CERKL: variants seen among roughly 807,000 people sequenced by gnomAD.
CERKL encodes CERK like autophagy regulator.
Under a neutral mutation model 63.4 loss-of-function variants are expected in CERKL, and 61 were observed. The ratio of observed to expected loss-of-function variants is 0.96; its 90% CI spans 0.78 to 1.19. The LOEUF (loss-of-function observed/expected upper bound fraction) is 1.19, where lower values mean the gene tolerates loss of function less well. CERKL is among the 50% of genes most tolerant of loss of function. The pLI is 0.00. For synonymous variants in CERKL, 250 were observed against 230.5 expected, an observed-to-expected ratio of 1.08 and a Z score of -0.77; for missense variants, 675 against 655.5, an observed-to-expected ratio of 1.03 and a Z score of -0.33.
intron 1 of CERKL, among the ~76,000 whole-genome samples, chr2:181,605,291 T>C (rs1441875531): frequency 6.6e-6 from 1 of 152,206 alleles, no homozygotes; most frequent in African/African-American, 2.4e-5. Flanking sequence ...TAGAGTTCAC[T>C]GTGCAATTTA....
At chr2:181,644,639 C>G (rs1194597363) in intron 1 of CERKL, among the ~76,000 whole-genome samples, 1 of 151,986 alleles carries the variant, frequency 6.6e-6, no homozygotes, top group African/African-American at 2.4e-5. Flanking sequence ...TTAACTCTTA[C>G]GATAGAAATC....
Position 181,547,668 on chromosome 2 carries a change from T to C in CERKL, c.1218A>G (p.Ala406=). The change falls in exon 10 of 13, where the codon GCA becomes GCG. Residue 406 remains alanine, a synonymous_variant. Coordinates refer to ENST00000410087, the MANE Select transcript of CERKL (RefSeq NM_201548.5). Reference sequence around the variant, plus strand: ...GTGCCACTGAACACAGGCAAGGAATTGCCATAATGCTGACATTCAAGAACT... The same window carrying C: ...GTGCCACTGAACACAGGCAAGGAATCGCCATAATGCTGACATTCAAGAACT... ...QGQFLNVSIM[A]IPCLCSVAPR... is the part of the protein sequence containing the mutation. 6 of 1,614,074 alleles carry C rather than the reference T, an allele frequency of 3.7e-6. No individual in the cohort carries two copies. Among genetic ancestry groups the C allele is most frequent in the Non-Finnish European group, 5.1e-6 (6 of 1,179,960 alleles).
chr2:181,548,818 G>T lies in CERKL; in HGVS notation c.935C>A (p.Ala312Asp), dbSNP rs1292982048. ...GAACCCAAAGCGAAGAAGCTTGCCA[G>T]CGGTGCTGAAGGTGCAGACGTCGAC... is the stretch of plus-strand genomic sequence containing the variant. ...QLVDVCTFST[A>D]GKLLRFGFSA... The change falls in exon 7 of 13, where the codon GCT (alanine) becomes GAT (aspartate). Residue 312 changes from alanine to aspartate, a missense_variant. Ala to Asp is a moderately radical substitution (Grantham distance 126). Coordinates refer to ENST00000410087, the MANE Select transcript of CERKL (RefSeq NM_201548.5). 1 of 1,614,046 alleles carries T rather than the reference G, an allele frequency of 6.2e-7. No homozygotes were observed. Among genetic ancestry groups the T allele is most frequent in the South Asian group, 1.1e-5 (1 of 91,082 alleles).
At chr2:181,560,366 C>G (rs1688386879) in intron 4 of CERKL, among the ~76,000 whole-genome samples, 1 of 152,176 alleles carries the variant, frequency 6.6e-6, no homozygotes, top group Admixed American at 6.5e-5. Flanking sequence ...TAGCGTCATG[C>G]ATATGTTAAC....
chr2:181,576,298 A>G (rs1326910597), intron 2 of CERKL, among the ~76,000 whole-genome samples: 1 of 145,802 alleles, frequency 6.9e-6, no homozygotes, highest in African/African-American at 2.6e-5. Context: ...AGTGACAGTC[A>G]GTTGGGGACA....
At chr2:181,576,613 T>A (rs1323762615) in intron 2 of CERKL, among the ~76,000 whole-genome samples, 2 of 152,216 alleles carry the variant, frequency 1.3e-5, no homozygotes, top group Non-Finnish European at 2.9e-5. Context: ...TGAAGCCATA[T>A]AACCTTAGGT....
At chr2:181,588,064 A>C (rs1344891697) in intron 2 of CERKL, among the ~76,000 whole-genome samples, 1 of 152,174 alleles carries the variant, frequency 6.6e-6, no homozygotes, top group Non-Finnish European at 1.5e-5. Flanking sequence ...GAAATGGCTA[A>C]ATTGAGCCAA....
In CERKL at chr2:181,603,747, C is replaced by T. The variant is rs920183617; in HGVS notation, c.481+90G>A. 6 of 1,315,384 alleles carry T rather than the reference C, an allele frequency of 4.6e-6. No homozygotes were observed. In the African/African-American group the frequency reaches 8.7e-5, roughly 19 times the overall value. 81.5% of individuals were successfully genotyped at this position (1,315,384 alleles called of 1,614,324 possible). ...ACAGAAGGAAACTATCTCAACATCA[C>T]TAAAGTTGTTTTTACTCAAAACATG... On this transcript the variant is annotated intron_variant, in intron 2 of 12. Coordinates refer to ENST00000410087, the MANE Select transcript of CERKL (RefSeq NM_201548.5).
chr2:181,561,006 G>A (rs1391116159), intron 4 of CERKL, among the ~76,000 whole-genome samples: 1 of 152,144 alleles, frequency 6.6e-6, no homozygotes, highest in African/African-American at 2.4e-5. Context: ...TTTTGGCCAT[G>A]AAGGTCACAA....
At chr2:181,566,269 G>A (rs1320877151) in intron 3 of CERKL, 148 bp from the exon 4 acceptor site, 2 of 689,886 alleles carry the variant, frequency 2.9e-6, no homozygotes, top group Non-Finnish European at 5.3e-6. Context: ...TTAATCATGG[G>A]CAAGAGGACT....
intron 3 of CERKL, among the ~76,000 whole-genome samples, chr2:181,568,670 CT>C (rs55645686): frequency 0.35 from 50,133 of 143,996 alleles, 9,281 homozygotes; most frequent in Non-Finnish European, 0.42. Flanking sequence ...GGAGTATTTT[CT>C]TTTTTTTTTT....
chr2:181,655,084 A>C lies in CERKL; in HGVS notation c.238+1685T>G, dbSNP rs190531410. Reference sequence around the variant, plus strand: ...GGTATTAATTACAAAGAAAAAGGGTACACCTGTATGAAGGAAAAGACCACC... The same window carrying C: ...GGTATTAATTACAAAGAAAAAGGGTCCACCTGTATGAAGGAAAAGACCACC... On this transcript the variant is annotated intron_variant, in intron 1 of 12. Coordinates refer to ENST00000410087, the MANE Select transcript of CERKL (RefSeq NM_201548.5). Among the ~76,000 whole-genome samples, 67 of 152,352 alleles carry C rather than the reference A, an allele frequency of 4.4e-4. 1 individual carries two copies. Among genetic ancestry groups the C allele is most frequent in the Middle Eastern group, 6.8e-3 (2 of 294 alleles).
intron 1 of CERKL, among the ~76,000 whole-genome samples, chr2:181,619,889 T>A (rs753508462): frequency 9.9e-5 from 15 of 152,138 alleles, no homozygotes; most frequent in Non-Finnish European, 1.6e-4. Flanking sequence ...AAATACTAAT[T>A]AAATGGTGGT....
chr2:181,615,278 T>C lies in CERKL; in HGVS notation c.239-11199A>G, dbSNP rs1042040096. 2.0e-5 allele frequency among the ~76,000 whole-genome samples: 3 copies of C among 152,300 alleles called. No homozygotes were observed. In the East Asian group the frequency reaches 5.8e-4, roughly 29 times the overall value. On this transcript the variant is annotated intron_variant, in intron 1 of 12. Transcript: ENST00000410087. ...AGAGCAAAGCGGGACCTGCTTAAAG[T>C]AGGTTACTTACGGTGGTTAATAAGA...
intron 2 of CERKL, among the ~76,000 whole-genome samples, chr2:181,586,347 C>A (rs1263713838): frequency 6.6e-6 from 1 of 151,984 alleles, no homozygotes; most frequent in East Asian, 1.9e-4. Context: ...CAACACAAGG[C>A]ATCAGGTAGT....
At chr2:181,552,318 G>A (rs1259707486) in intron 5 of CERKL, among the ~76,000 whole-genome samples, 2 of 152,148 alleles carry the variant, frequency 1.3e-5, no homozygotes, top group Non-Finnish European at 2.9e-5. Flanking sequence ...CACATGTCAA[G>A]GGAGAGACCA....
At chr2:181,603,659 T>G (rs906609087) in intron 2 of CERKL, 178 bp downstream of exon 2, 1 of 717,024 alleles carries the variant, frequency 1.4e-6, no homozygotes, top group Admixed American at 1.8e-5. Context: ...AATATGATTA[T>G]CTCAATTAAT....
intron 1 of CERKL, among the ~76,000 whole-genome samples, chr2:181,647,560 C>T (rs1216023779): frequency 2.0e-5 from 3 of 152,064 alleles, no homozygotes; most frequent in African/African-American, 7.2e-5. Flanking sequence ...ACTGAATCCA[C>T]CCCAAACCAA....
At chr2:181,639,198 T>C (rs1687314577) in intron 1 of CERKL, among the ~76,000 whole-genome samples, 1 of 152,226 alleles carries the variant, frequency 6.6e-6, no homozygotes, top group Admixed American at 6.5e-5. Context: ...CTCCTAGAGA[T>C]ACATGCTGAG....
Sources: gnomAD v4.1 joint callset for allele counts (sites outside exome capture counted in the v4.1 genomes callset) on GRCh38, gnomAD v4.1.1 for gene constraint, MANE v1.5 for transcripts, NCBI Gene and HGNC (gene_info 2026-07-23, HGNC 2026-07-21) for gene names.